PRKG1: variants seen among roughly 807,000 people sequenced by gnomAD.
The protein encoded by PRKG1 is cGMP-dependent protein kinase 1.
In PRKG1, 35 loss-of-function variants were observed where a neutral mutation model predicts 88.1. The observed-to-expected ratio is 0.40, with a 90% CI of 0.30 to 0.53. The LOEUF (loss-of-function observed/expected upper bound fraction) is 0.53, where lower values mean the gene tolerates loss of function less well. PRKG1 is among the 20% of genes least tolerant of loss of function. The probability of loss-of-function intolerance (pLI) is 0.59; values close to 1 mark genes in which losing one functional copy is unlikely to be tolerated. For missense variants in PRKG1, 540 were observed against 839.8 expected (o/e 0.64, Z 4.41); for synonymous variants, 303 against 292.5 (o/e 1.04, Z -0.37).
chr10:51,985,870 G>A (rs149342252), intron 5 of PRKG1, among the ~76,000 whole-genome samples: 2 of 152,284 alleles, frequency 1.3e-5, no homozygotes, highest in East Asian at 3.9e-4. Flanking sequence ...TAGACCCGTT[G>A]CAAGTGGAAA....
chr10:51,164,779 A>G (rs1218825009), intron 2 of PRKG1, among the ~76,000 whole-genome samples: 5 of 152,134 alleles, frequency 3.3e-5, no homozygotes, highest in African/African-American at 1.2e-4. Flanking sequence ...GACGTGATCA[A>G]CTGGAAGAAA....
chr10:51,685,761 C>G (rs1339335618), intron 3 of PRKG1, among the ~76,000 whole-genome samples: 4 of 152,118 alleles, frequency 2.6e-5, no homozygotes, highest in Admixed American at 6.6e-5. Flanking sequence ...GAGACAGCTC[C>G]TCCTGCTTGG....
At chr10:51,750,904 C>T (rs1263208314) in intron 3 of PRKG1, among the ~76,000 whole-genome samples, 1 of 151,312 alleles carries the variant, frequency 6.6e-6, no homozygotes, top group African/African-American at 2.4e-5. Context: ...AAAAAAAGTT[C>T]AAAGAAAATT....
At chr10:52,232,319 A>G (rs1201992821) in intron 9 of PRKG1, among the ~76,000 whole-genome samples, 2 of 152,086 alleles carry the variant, frequency 1.3e-5, no homozygotes, top group African/African-American at 4.8e-5. Flanking sequence ...AACAAACAAA[A>G]AAACAAAAAA....
intron 2 of PRKG1, among the ~76,000 whole-genome samples, chr10:51,298,671 G>T (rs554779854): frequency 4.6e-5 from 7 of 152,294 alleles, no homozygotes; most frequent in African/African-American, 1.7e-4. Context: ...AAATGGTTCT[G>T]ATCTAAGGTA....
chr10:52,215,119 G>T (rs77725386), intron 9 of PRKG1, among the ~76,000 whole-genome samples: 3 of 151,982 alleles, frequency 2.0e-5, no homozygotes, highest in Admixed American at 6.6e-5. Flanking sequence ...TTTGGGCCAG[G>T]CATGGTGGCT....
Position 51,899,438 on chromosome 10 carries a change from G to A in PRKG1, c.699-8069G>A, listed in dbSNP as rs558970862. ...TCAGCACTTTGGAAGACCGAGTAGG[G>A]TGGATCACTTGAAGTCAGGAGTTCG... On this transcript the variant is annotated intron_variant, in intron 4 of 17. Coordinates refer to ENST00000373980, the MANE Select transcript of PRKG1 (RefSeq NM_006258.4). Among the ~76,000 whole-genome samples, 9 of 151,656 alleles carry A rather than the reference G, an allele frequency of 5.9e-5. No individual in the cohort carries two copies. The South Asian group carries it at 1.5e-3, about 25-fold the overall frequency.
chr10:51,939,109 T>C (rs1029202640), intron 5 of PRKG1, among the ~76,000 whole-genome samples: 1 of 152,050 alleles, frequency 6.6e-6, no homozygotes, highest in Non-Finnish European at 1.5e-5. Flanking sequence ...TCCTCTATTC[T>C]GTTTTGACCA....
rs567731097 is a variant in PRKG1 at position 51,109,529 on chromosome 10, T to C, written c.311+34628T>C. Among the ~76,000 whole-genome samples the C allele has an allele frequency of 2.0e-5, 3 of 152,220 alleles. No homozygotes were observed. The South Asian group carries it at 6.2e-4, about 32-fold the overall frequency. On this transcript the variant is annotated intron_variant, in intron 1 of 17. Coordinates refer to ENST00000373980, the MANE Select transcript of PRKG1 (RefSeq NM_006258.4). ...CAGTGAGTGCTGGAACAATTGGATA[T>C]CCACCTGCAAAAATATAAACCTTAC...
chr10:51,797,017 T>A (rs1839029405), intron 3 of PRKG1, among the ~76,000 whole-genome samples: 1 of 151,922 alleles, frequency 6.6e-6, no homozygotes, highest in Non-Finnish European at 1.5e-5. Context: ...AGGTGGAAAG[T>A]CATTCTAGGT....
intron 6 of PRKG1, among the ~76,000 whole-genome samples, chr10:52,060,793 C>T (rs866408410): frequency 1.1e-4 from 16 of 151,964 alleles, no homozygotes; most frequent in Middle Eastern, 3.4e-3. Context: ...TATTCATAGA[C>T]GTTGGCCCTA....
chr10:51,774,768 T>A (rs1181693058), intron 3 of PRKG1, among the ~76,000 whole-genome samples: 1 of 152,110 alleles, frequency 6.6e-6, no homozygotes, highest in Non-Finnish European at 1.5e-5. Flanking sequence ...AAAGAAGTAC[T>A]TTCATGAAGA....
chr10:51,898,155 A>G (rs941430282), intron 4 of PRKG1, among the ~76,000 whole-genome samples: 2 of 152,084 alleles, frequency 1.3e-5, no homozygotes, highest in South Asian at 4.1e-4. Flanking sequence ...GAATCCAGTT[A>G]TCTATCTCCC....
At chr10:51,304,318 T>G (rs955788582) in intron 2 of PRKG1, among the ~76,000 whole-genome samples, 124 of 152,144 alleles carry the variant, frequency 8.2e-4, no homozygotes, top group African/African-American at 2.9e-3. Context: ...AAAATCAATT[T>G]GAAAACATTA....
At chr10:51,418,103 G>A (rs1838295463) in intron 2 of PRKG1, among the ~76,000 whole-genome samples, 1 of 152,160 alleles carries the variant, frequency 6.6e-6, no homozygotes, top group Non-Finnish European at 1.5e-5. Context: ...TCTAGCAACT[G>A]TGAGTGAGAT....
intron 4 of PRKG1, among the ~76,000 whole-genome samples, chr10:51,904,685 T>C (rs555645041): frequency 1.3e-5 from 2 of 152,274 alleles, no homozygotes; most frequent in South Asian, 4.1e-4. Context: ...TTGTTACTGG[T>C]AATATTTTAG....
intron 1 of PRKG1, among the ~76,000 whole-genome samples, chr10:51,004,543 T>C (rs903575957): frequency 6.6e-6 from 1 of 152,058 alleles, no homozygotes; most frequent in Non-Finnish European, 1.5e-5. Context: ...ATTTTCTACA[T>C]TAAAGACAGA....
chr10:51,623,071 T>C (rs1311851661), intron 3 of PRKG1, among the ~76,000 whole-genome samples: 2 of 152,212 alleles, frequency 1.3e-5, no homozygotes, highest in Non-Finnish European at 2.9e-5. Context: ...CATGTGAACA[T>C]TTACAAATAT....
chr10:51,527,645 G>T (rs75136852), intron 3 of PRKG1, among the ~76,000 whole-genome samples: 2,158 of 152,262 alleles, frequency 0.014, 29 homozygotes, highest in Non-Finnish European at 0.023. Flanking sequence ...TGTTCTAGAC[G>T]TTATAGAGCG....
Sources: gnomAD v4.1 joint callset for allele counts (sites outside exome capture counted in the v4.1 genomes callset) on GRCh38, gnomAD v4.1.1 for gene constraint, MANE v1.5 for transcripts, NCBI Gene and HGNC (gene_info 2026-07-23, HGNC 2026-07-21) for gene names.